ATP5ME: variants seen among roughly 807,000 people sequenced by gnomAD.
The protein encoded by ATP5ME is ATP synthase membrane subunit e.
In ATP5ME, 10 loss-of-function variants were observed where a neutral mutation model predicts 11.6. The ratio of observed to expected loss-of-function variants is 0.86; its 90% confidence interval spans 0.53 to 1.46. The LOEUF (loss-of-function observed/expected upper bound fraction) is 1.46, where lower values mean the gene tolerates loss of function less well. Among genes scored for constraint, ATP5ME ranks in the 40% most tolerant of loss-of-function variants. The probability of loss-of-function intolerance (pLI) is 0.00; values close to 1 mark genes in which losing one functional copy is unlikely to be tolerated. For missense variants in ATP5ME, 115 were observed against 85.4 expected (o/e 1.35, Z -1.37); for synonymous variants, 45 against 33.5 (o/e 1.34, Z -1.19).
At chr4:673,662 C>G in intron 2 of ATP5ME, 2 of 754,546 alleles carry the variant, frequency 2.7e-6, no homozygotes, top group Non-Finnish European at 4.3e-6. Context: ...AAGACCTCAG[C>G]ACTCGAACAG....
At chr4:673,242 T>C in intron 3 of ATP5ME, 61 bp downstream of exon 3, 1 of 1,611,980 alleles carries the variant, frequency 6.2e-7, no homozygotes, top group East Asian at 2.2e-5. Context: ...TCCTCCTCCA[T>C]TTTCCTTATC....
chr4:672,614 T>G lies in ATP5ME; in HGVS notation c.191-95A>C, dbSNP rs765168489. 930 of 1,398,368 alleles carry G rather than the reference T, an allele frequency of 6.7e-4. 7 individuals carry two copies. The African/African-American group carries it at 0.011, about 16-fold the overall frequency. The allele number at this position is 1,398,368 out of a possible 1,614,324, so 86.6% of individuals were successfully genotyped here. On this transcript the variant is annotated intron_variant, in intron 3 of 3. Transcript: ENST00000304312. ...CCCAGTTATTTTTTTTTTTTTTTTT[T>G]TTGTTTTGAGACGGAGTCTCGCTCT...
intron 1 of ATP5ME, 28 bp downstream of exon 1, chr4:674,184 T>A: frequency 1.2e-6 from 2 of 1,609,102 alleles, no homozygotes; most frequent in Non-Finnish European, 1.7e-6. Context: ...CCCAGAGCAC[T>A]GGGCGGCGGC....
chr4:672,973 C>G (rs1463680809), intron 3 of ATP5ME, among the ~76,000 whole-genome samples: 1 of 152,234 alleles, frequency 6.6e-6, no homozygotes, highest in Non-Finnish European at 1.5e-5. Flanking sequence ...GTCTCGAACT[C>G]CAGAGCTCAG....
chr4:672,601 T>A (rs1033602532), intron 3 of ATP5ME, 82 bp from the exon 4 acceptor site: 426 of 1,337,186 alleles, frequency 3.2e-4, no homozygotes, highest in East Asian at 5.7e-4. Context: ...CAGTTATTTT[T>A]TTTTTTTTTT....
rs1738652156 is a variant in ATP5ME at position 673,959 on chromosome 4, C to G, written c.44G>C (p.Arg15Pro). Residue 15 changes from arginine (R) to proline (P), a missense_variant, in exon 2 of 4, where the codon CGC becomes CCC. Coordinates refer to ENST00000304312, the MANE Select transcript of ATP5ME (RefSeq NM_007100.4). Reference protein sequence around the residue: ...VQVSPLIKLGRYSALFLGVAY... With the variant: ...VQVSPLIKLGPYSALFLGVAY... Reference sequence around the variant, plus strand: ...CACACCGAGGAACAGGGCGGAGTAGCGGCCGAGCTGCGAAAGAGGTTGGTC... The same window carrying G: ...CACACCGAGGAACAGGGCGGAGTAGGGGCCGAGCTGCGAAAGAGGTTGGTC... 1.9e-6 allele frequency: 3 copies of G among 1,545,136 alleles called. No homozygotes were observed. Among genetic ancestry groups the G allele is most frequent in the African/African-American group, 1.4e-5 (1 of 72,934 alleles).
intron 2 of ATP5ME, 35 bp downstream of exon 2, chr4:673,877 C>G (rs1237218468): frequency 7.8e-6 from 12 of 1,544,296 alleles, no homozygotes; most frequent in Non-Finnish European, 1.0e-5. Context: ...GAAAGCCGAG[C>G]AGACCCCGCC....
At chr4:674,069 TG>T in intron 1 of ATP5ME, 103 bp from the exon 2 acceptor site, 1 of 569,222 alleles carries the variant, frequency 1.8e-6, no homozygotes, top group South Asian at 3.4e-5. Flanking sequence ...GCAGGAGGGG[TG>T]GGGGTCCGGT....
rs956224820 is a variant in ATP5ME, at chr4:672,602, T to A, written c.191-83A>T. The A allele has an allele frequency of 3.7e-4, 508 of 1,389,258 alleles. No homozygotes were observed. In the South Asian group the frequency reaches 4.1e-3, roughly 11 times the overall value. The allele number at this position is 1,389,258 out of a possible 1,614,324, so 86.1% of individuals were successfully genotyped here. A position where few individuals can be genotyped will look rare whatever the true frequency, so the allele number is the denominator to read the frequency against. Reference sequence around the variant, plus strand: ...CCACTTCAGCTTCCCAGTTATTTTTTTTTTTTTTTTTTTTGTTTTGAGACG... The same window carrying A: ...CCACTTCAGCTTCCCAGTTATTTTTATTTTTTTTTTTTTTGTTTTGAGACG... On this transcript the variant is annotated intron_variant, in intron 3 of 3. Coordinates refer to ENST00000304312, the MANE Select transcript of ATP5ME (RefSeq NM_007100.4).
Position 673,502 on chromosome 4 carries a change from C to T in ATP5ME, c.92-101G>A. On this transcript the variant is annotated intron_variant, in intron 2 of 3. Coordinates refer to ENST00000304312, the MANE Select transcript of ATP5ME (RefSeq NM_007100.4). Reference sequence around the variant, plus strand: ...ATCTTCAGCGACGCTGTAAACCAGACGCACCTGCTGTTCCCGCTCTTTATG... The same window carrying T: ...ATCTTCAGCGACGCTGTAAACCAGATGCACCTGCTGTTCCCGCTCTTTATG... The T allele has an allele frequency of 3.2e-6, 5 of 1,579,122 alleles. No individual in the cohort carries two copies. The Admixed American group carries it at 5.3e-5, about 17-fold the overall frequency.
rs1371450895 is a variant in ATP5ME at position 673,919 on chromosome 4, C to A, written c.84G>T (p.Thr28=). ...ALFLGVAYGA[T]RYNYLKPRAE... is the part of the protein sequence containing the mutation. ...CCGCCCGCGGTCACTCACTGTAGCG[C>A]GTGGCTCCGTAGGCCACACCGAGGA... The change falls in exon 2 of 4, where the codon ACG becomes ACT. Residue 28 remains threonine, a synonymous_variant. Transcript: ENST00000304312. 3.2e-6 allele frequency: 5 copies of A among 1,546,118 alleles called. No homozygotes were observed. In the Admixed American group the frequency reaches 9.8e-5, roughly 30 times the overall value.
chr4:673,205 C>A, intron 3 of ATP5ME, 98 bp downstream of exon 3: 3 of 1,572,228 alleles, frequency 1.9e-6, no homozygotes, highest in Middle Eastern at 1.7e-4. Context: ...TTTAAACAAT[C>A]CGCATCTACT....
At chr4:673,656 C>A in intron 2 of ATP5ME, 2 of 756,596 alleles carry the variant, frequency 2.6e-6, no homozygotes, top group Non-Finnish European at 4.3e-6. Flanking sequence ...CCCATCAAGA[C>A]CTCAGCACTC....
chr4:673,251 T>C (rs1401100862), intron 3 of ATP5ME, 52 bp downstream of exon 3: 1 of 1,613,618 alleles, frequency 6.2e-7, no homozygotes, highest in Non-Finnish European at 8.5e-7. Flanking sequence ...ATTTTCCTTA[T>C]CCCTGCACAA....
At chr4:673,241 A>G (rs1338753293) in intron 3 of ATP5ME, 62 bp downstream of exon 3, 36 of 1,612,208 alleles carry the variant, frequency 2.2e-5, no homozygotes, top group Non-Finnish European at 3.0e-5. Flanking sequence ...GTCCTCCTCC[A>G]TTTTCCTTAT....
chr4:672,593 G>GT (rs1452150811), intron 3 of ATP5ME, 74 bp from the exon 4 acceptor site: 64 of 1,100,796 alleles, frequency 5.8e-5, no homozygotes, highest in Admixed American at 1.5e-4. Flanking sequence ...CAGCTTCCCA[G>GT]TTATTTTTTT....
chr4:673,594 GC>G, intron 2 of ATP5ME, 193 bp from the exon 3 acceptor site: 1 of 980,528 alleles, frequency 1.0e-6, no homozygotes, highest in Non-Finnish European at 1.5e-6. Flanking sequence ...GGCCCCTGCT[GC>G]CCACCCGCTC....
Position 674,181 on chromosome 4 carries a change from C to T in ATP5ME, c.36+31G>A, listed in dbSNP as rs1040155343. Reference sequence around the variant, plus strand: ...GGGCGGGACACGGGGGGGCCCAGAGCACTGGGCGGCGGCTGCAAAGCCTGG... The same window carrying T: ...GGGCGGGACACGGGGGGGCCCAGAGTACTGGGCGGCGGCTGCAAAGCCTGG... On this transcript the variant is annotated intron_variant, in intron 1 of 3. Transcript: ENST00000304312. 4 of 1,608,692 alleles carry T rather than the reference C, an allele frequency of 2.5e-6. No individual in the cohort carries two copies. In the East Asian group the frequency reaches 9.0e-5, roughly 36 times the overall value.
At chr4:672,947 C>T (rs946267477) in intron 3 of ATP5ME, among the ~76,000 whole-genome samples, 1 of 152,224 alleles carries the variant, frequency 6.6e-6, no homozygotes, top group African/African-American at 2.4e-5. Flanking sequence ...GGGGTTTCAC[C>T]ATCTTGCCCA....
Sources: allele counts gnomAD v4.1 joint callset (sites outside exome capture counted in the v4.1 genomes callset), GRCh38; gene constraint gnomAD v4.1.1; transcripts MANE v1.5; gene names NCBI Gene and HGNC (gene_info 2026-07-23, HGNC 2026-07-21).